NRXN3: variants seen among roughly 807,000 people sequenced by gnomAD.
NRXN3 encodes neurexin III.
NRXN3 carries 32 observed loss-of-function variants against 137.6 expected under a neutral mutation model. That is an observed-to-expected ratio of 0.23 (90% CI 0.18 to 0.31). The LOEUF (loss-of-function observed/expected upper bound fraction) is 0.31. NRXN3 is among the 10% of genes least tolerant of loss of function. The pLI is 1.00. For synonymous variants in NRXN3, 798 were observed against 784.5 expected, an observed-to-expected ratio of 1.02 and a Z score of -0.29; for missense variants, 1,574 against 2,062.5, an observed-to-expected ratio of 0.76 and a Z score of 4.59.
intron 15 of NRXN3, among the ~76,000 whole-genome samples, chr14:79,011,841 A>G (rs1200224437): frequency 6.6e-6 from 1 of 152,206 alleles, no homozygotes; most frequent in Non-Finnish European, 1.5e-5. Flanking sequence ...CAAAAACAAT[A>G]AGGAACAATG....
intron 4 of NRXN3, among the ~76,000 whole-genome samples, chr14:78,462,313 G>A (rs1049988844): frequency 6.6e-6 from 1 of 152,160 alleles, no homozygotes; most frequent in Non-Finnish European, 1.5e-5. Context: ...TACAGAGGCC[G>A]AAGGGTGGCT....
chr14:78,623,953 C>A (rs994996416), intron 4 of NRXN3, among the ~76,000 whole-genome samples: 1 of 152,158 alleles, frequency 6.6e-6, no homozygotes, highest in Non-Finnish European at 1.5e-5. Context: ...AGTAGCACTA[C>A]CCCTTACCAT....
chr14:78,294,284 G>T (rs191235406), intron 3 of NRXN3, among the ~76,000 whole-genome samples: 1 of 152,254 alleles, frequency 6.6e-6, no homozygotes, highest in African/African-American at 2.4e-5. Context: ...GCTGGGCGTG[G>T]TGGCTTATGC....
intron 4 of NRXN3, among the ~76,000 whole-genome samples, chr14:78,461,414 T>C (rs909684317): frequency 2.0e-5 from 3 of 152,216 alleles, no homozygotes; most frequent in Non-Finnish European, 4.4e-5. Flanking sequence ...TGGATGTTCC[T>C]TTACTCTGCT....
intron 1 of NRXN3, among the ~76,000 whole-genome samples, chr14:78,173,603 G>GCTC: frequency 8.3e-6 from 1 of 120,398 alleles, no homozygotes; most frequent in East Asian, 2.4e-4. Context: ...TCCACACACT[G>GCTC]CTCCCCCCAC....
chr14:79,461,596 T>G (rs1333044465), intron 15 of NRXN3, among the ~76,000 whole-genome samples: 1 of 152,212 alleles, frequency 6.6e-6, no homozygotes, highest in Non-Finnish European at 1.5e-5. Flanking sequence ...AATTTATGTC[T>G]CTATTTGCTA....
chr14:79,364,170 GTTC>G (rs1333911977), intron 15 of NRXN3, among the ~76,000 whole-genome samples: 4 of 152,014 alleles, frequency 2.6e-5, no homozygotes, highest in Admixed American at 1.3e-4. Flanking sequence ...TTTCTCCCCA[GTTC>G]TTCTTTTTTC....
At chr14:78,269,701 T>A (rs935056531) in intron 2 of NRXN3, among the ~76,000 whole-genome samples, 1 of 152,218 alleles carries the variant, frequency 6.6e-6, no homozygotes, top group South Asian at 2.1e-4. Context: ...CGTATCACCA[T>A]CCCCTACAGA....
intron 15 of NRXN3, among the ~76,000 whole-genome samples, chr14:79,099,726 C>A (rs1028502827): frequency 1.3e-5 from 2 of 152,072 alleles, no homozygotes; most frequent in Non-Finnish European, 2.9e-5. Flanking sequence ...TATAGGTATT[C>A]TATGATAAAT....
At chr14:79,518,927 G>C (rs1172204539) in intron 16 of NRXN3, among the ~76,000 whole-genome samples, 2 of 151,940 alleles carry the variant, frequency 1.3e-5, no homozygotes, top group Non-Finnish European at 2.9e-5. Context: ...TTATAATATA[G>C]AACTAGATCC....
rs1254367279 is a variant in NRXN3 at position 78,711,432 on chromosome 14, C to CTTTTT, written c.1660+1778_1660+1779insTTTTT. ...AGCTAAAGCACTGGCTAATTCTTTT[C>CTTTTT]TCTTTTTTTTTTTTTTTTTTTTTTT... On this transcript the variant is annotated intron_variant, in intron 7 of 20. Coordinates refer to ENST00000335750, the MANE Select transcript of NRXN3 (RefSeq NM_001330195.2). Among the ~76,000 whole-genome samples, 332 of 103,060 alleles carry CTTTTT rather than the reference C, an allele frequency of 3.2e-3. 5 individuals are homozygous for CTTTTT. The highest frequency in any genetic ancestry group is 4.1e-3 in the African/African-American group (111 of 26,778). The allele number at this position is 103,060 out of a possible 152,430, so 67.6% of individuals were successfully genotyped here.
intron 16 of NRXN3, among the ~76,000 whole-genome samples, chr14:79,493,410 G>A (rs1312846180): frequency 6.6e-6 from 1 of 152,222 alleles, no homozygotes; most frequent in Non-Finnish European, 1.5e-5. Flanking sequence ...GTGCCTACAG[G>A]AGCTACAGTG....
chr14:78,968,119 C>G, intron 13 of NRXN3, 54 bp from the exon 14 acceptor site: 3 of 1,025,008 alleles, frequency 2.9e-6, no homozygotes, highest in Non-Finnish European at 3.8e-6. Context: ...AACTAGTTGA[C>G]ATGGTCACCA....
At chr14:78,503,003 G>A (rs572268946) in intron 4 of NRXN3, among the ~76,000 whole-genome samples, 37 of 152,272 alleles carry the variant, frequency 2.4e-4, no homozygotes, top group African/African-American at 8.4e-4. Flanking sequence ...TAAATTTTGT[G>A]TTAGAGGAGT....
At chr14:78,757,484 T>C (rs1353685159) in intron 8 of NRXN3, among the ~76,000 whole-genome samples, 2 of 150,936 alleles carry the variant, frequency 1.3e-5, no homozygotes, top group Non-Finnish European at 2.9e-5. Context: ...CAGAGCCCAG[T>C]GTTAGGAAAG....
At chr14:79,149,339 T>C (rs1188216304) in intron 15 of NRXN3, among the ~76,000 whole-genome samples, 1 of 151,854 alleles carries the variant, frequency 6.6e-6, no homozygotes, top group Non-Finnish European at 1.5e-5. Context: ...TTTTTTTTTT[T>C]CAAATTGTAA....
In NRXN3 at chr14:79,353,791, C is replaced by T. The variant is rs146819462; in HGVS notation, c.3263-113430C>T. 1.7e-3 allele frequency among the ~76,000 whole-genome samples: 253 copies of T among 152,084 alleles called. 1 individual carries two copies. Among genetic ancestry groups the T allele is most frequent in the African/African-American group, 5.0e-3 (206 of 41,524 alleles). On this transcript the variant is annotated intron_variant, in intron 15 of 20. Transcript: ENST00000335750. ...TTGCTCACCATTTTTTCCTATGGTC[C>T]GGCGTCTTTAGTCACTTGTATTACT...
chr14:78,491,508 T>C (rs2153749812), intron 4 of NRXN3, among the ~76,000 whole-genome samples: 1 of 152,162 alleles, frequency 6.6e-6, no homozygotes, highest in East Asian at 1.9e-4. Context: ...TCAGGTCTAT[T>C]GTAGAGACAG....
intron 19 of NRXN3, among the ~76,000 whole-genome samples, chr14:79,787,682 C>T (rs1004574513): frequency 1.3e-5 from 2 of 152,182 alleles, no homozygotes; most frequent in Non-Finnish European, 2.9e-5. Context: ...TTTCACTTAG[C>T]ATAATGTCCT....
Sources: gnomAD v4.1 joint callset for allele counts (sites outside exome capture counted in the v4.1 genomes callset) on GRCh38, gnomAD v4.1.1 for gene constraint, MANE v1.5 for transcripts, NCBI Gene and HGNC (gene_info 2026-07-23, HGNC 2026-07-21) for gene names.